Variants in AKNA observed in about 807,000 individuals in gnomAD.
The protein encoded by AKNA is AT-hook transcription factor, also known as microtubule organization protein AKNA.
A neutral mutation model predicts 138.8 loss-of-function variants in AKNA; 67 were observed. The observed-to-expected ratio is 0.48, with a 90% CI of 0.40 to 0.59. The LOEUF is 0.59. Among genes scored for constraint, AKNA ranks in the 20% least tolerant of loss-of-function variants. The pLI is 0.00. For synonymous variants in AKNA, 737 were observed against 754.4 expected (o/e 0.98, Z 0.38); for missense variants, 1,813 against 1,880.4 (o/e 0.96, Z 0.66).
chr9:114,387,520 T>C (rs1025779101), intron 1 of AKNA, among the ~76,000 whole-genome samples: 2 of 152,182 alleles, frequency 1.3e-5, no homozygotes, highest in African/African-American at 4.8e-5. Context: ...CATGCCTGCA[T>C]CGTCTCTGAG....
At chr9:114,348,962 T>G (rs1830907769) in intron 15 of AKNA, 1 of 456,136 alleles carries the variant, frequency 2.2e-6, no homozygotes, top group Non-Finnish European at 4.4e-6. Context: ...GATGACTGTG[T>G]CAGAAGGAGT....
At chr9:114,358,905 C>G (rs929329162) in intron 11 of AKNA, among the ~76,000 whole-genome samples, 22 of 152,094 alleles carry the variant, frequency 1.4e-4, no homozygotes, top group Middle Eastern at 6.8e-3. Context: ...AGCACACCAA[C>G]ATGGCACATG....
downstream of AKNA, among the ~76,000 whole-genome samples, chr9:114,331,336 A>G (rs1412330610): frequency 6.6e-6 from 1 of 152,028 alleles, no homozygotes; most frequent in Non-Finnish European, 1.5e-5. Context: ...AAACGGGGAG[A>G]AAGGCCCTGA....
chr9:114,389,995 T>C (rs936938461), upstream of AKNA, among the ~76,000 whole-genome samples: 2 of 152,160 alleles, frequency 1.3e-5, no homozygotes, highest in African/African-American at 4.8e-5. Context: ...CTATCAGCTC[T>C]GGAGGCCATG....
chr9:114,358,063 G>A lies in AKNA; in HGVS notation c.2597C>T (p.Pro866Leu), dbSNP rs1831636181. The change falls in exon 12 of 22, where the codon CCA becomes CTA. Residue 866 changes from proline to leucine, a missense_variant. Pro to Leu is a moderately conservative substitution (Grantham distance 98). Transcript: ENST00000374088. The part of the protein sequence containing the change: ...SGLGKAEAAP[P>L]GPGVPPHPPG... ...AGGGTGGGGTGGCACGCCAGGGCCTGGAGGGGCTGCCTCAGCCTTGCCCAG... is the reference window on the plus strand; with the variant it reads ...AGGGTGGGGTGGCACGCCAGGGCCTAGAGGGGCTGCCTCAGCCTTGCCCAG... The A allele has an allele frequency of 6.2e-7, 1 of 1,613,566 alleles. No individual in the cohort carries two copies. The highest frequency in any genetic ancestry group is 8.5e-7 in the Non-Finnish European group (1 of 1,179,630).
chr9:114,365,663 G>A (rs984580770), intron 6 of AKNA, among the ~76,000 whole-genome samples: 4 of 151,890 alleles, frequency 2.6e-5, no homozygotes, highest in African/African-American at 7.3e-5. Context: ...AAAAGAAACA[G>A]GTAAAATTAA....
chr9:114,394,078 C>T (rs757850462), intron 1 of AKNA, among the ~76,000 whole-genome samples: 4 of 151,860 alleles, frequency 2.6e-5, no homozygotes, highest in Non-Finnish European at 2.9e-5. Flanking sequence ...GAGACTGAGG[C>T]AGGAGAACTG....
upstream of AKNA, chr9:114,388,215 C>T (rs755501994): frequency 4.3e-5 from 9 of 207,290 alleles, no homozygotes; most frequent in Admixed American, 1.0e-4. Context: ...AAACTCCTGA[C>T]GTCCTGGGCT....
At chr9:114,387,398 G>C (rs1481545229) in intron 1 of AKNA, among the ~76,000 whole-genome samples, 1 of 152,146 alleles carries the variant, frequency 6.6e-6, no homozygotes, top group African/African-American at 2.4e-5. Context: ...GGGTCTGCTG[G>C]TCCTCGGACT....
chr9:114,385,887 G>C (rs576988623), intron 1 of AKNA, among the ~76,000 whole-genome samples: 1 of 152,340 alleles, frequency 6.6e-6, no homozygotes, highest in South Asian at 2.1e-4. Flanking sequence ...TGGGCATCAG[G>C]AGACAGGTGC....
In AKNA at chr9:114,387,922, T is replaced by A. The variant is rs900084632; in HGVS notation, c.-176A>T. 2 of 454,504 alleles carry A rather than the reference T, an allele frequency of 4.4e-6. No individual in the cohort carries two copies. The highest frequency in any genetic ancestry group is 4.0e-5 in the African/African-American group (2 of 50,044). The allele number at this position is 454,504 out of a possible 1,614,324, so 28.2% of individuals were successfully genotyped here. A position where few individuals can be genotyped will look rare whatever the true frequency, so the allele number is the denominator to read the frequency against. On this transcript the variant is annotated 5_prime_UTR_variant, in exon 1 of 22. Transcript: ENST00000374088. Reference sequence around the variant, plus strand: ...TCAGGGGACCTGCCTGTGAATTCTTTGTTCCAAACCCAGGGAGCCCCCTGT... The same window carrying A: ...TCAGGGGACCTGCCTGTGAATTCTTAGTTCCAAACCCAGGGAGCCCCCTGT...
intron 2 of AKNA, 86 bp downstream of exon 2, chr9:114,380,972 ACT>A (rs1214755231): frequency 4.0e-5 from 55 of 1,361,428 alleles, no homozygotes; most frequent in Non-Finnish European, 5.0e-5. Flanking sequence ...ATGAAGCAAG[ACT>A]CTGTCTCAAA....
At chr9:114,338,672 G>A (rs1029045893) in intron 21 of AKNA, among the ~76,000 whole-genome samples, 1 of 152,208 alleles carries the variant, frequency 6.6e-6, no homozygotes, top group African/African-American at 2.4e-5. Flanking sequence ...ATTCTGCTGG[G>A]CTACTCATGG....
chr9:114,398,056 G>A (rs1264417390), upstream of AKNA, among the ~76,000 whole-genome samples: 1 of 152,104 alleles, frequency 6.6e-6, no homozygotes, highest in Non-Finnish European at 1.5e-5. This position sits in a 1 kb window ranked among gnomAD's most constrained non-coding sequence, Gnocchi z 4.2. Context: ...CCCCGCCAAG[G>A]CCCACCCCCG....
Position 114,359,313 on chromosome 9 carries a change from C to A in AKNA, c.2492+281G>T, listed in dbSNP as rs933495193. 13 of 544,432 alleles carry A rather than the reference C, an allele frequency of 2.4e-5. No homozygotes were observed. The South Asian group carries it at 2.6e-4, about 11-fold the overall frequency. 33.7% of individuals were successfully genotyped at this position (544,432 alleles called of 1,614,324 possible). A position where few individuals can be genotyped will look rare whatever the true frequency, so the allele number is the denominator to read the frequency against. On this transcript the variant is annotated intron_variant, in intron 11 of 21. Transcript: ENST00000374088. The stretch of plus-strand genomic sequence containing the variant: ...TGAACTCCTGGACTCAAGTGATCCA[C>A]CTGCCTTGGCCTCCCTCAATGCTGG...
At chr9:114,389,136 T>C (rs182781676), upstream of AKNA, among the ~76,000 whole-genome samples, 2 of 152,170 alleles carry the variant, frequency 1.3e-5, no homozygotes, top group Non-Finnish European at 2.9e-5. Flanking sequence ...GGGCAGAGTG[T>C]TCTGGGAGGG....
chr9:114,394,175 T>TAA (rs35340604), intron 1 of AKNA, among the ~76,000 whole-genome samples: 40 of 147,268 alleles, frequency 2.7e-4, no homozygotes, highest in South Asian at 4.3e-4. Context: ...CTGTCTCAAT[T>TAA]AAAAAAAAAA....
intron 14 of AKNA, among the ~76,000 whole-genome samples, chr9:114,354,515 C>A (rs1485305178): frequency 6.6e-6 from 1 of 152,038 alleles, no homozygotes; most frequent in African/African-American, 2.4e-5. Context: ...AGATCGAGAC[C>A]ATCTTGGCTA....
In AKNA at chr9:114,346,864, T is replaced by A; in HGVS notation, c.3399-80A>T. ...AAGGTTATTTGTGAGAAGTTCAACCTGGAGAAATGCTTCTAACACGATGGA... is the reference window on the plus strand; with the variant it reads ...AAGGTTATTTGTGAGAAGTTCAACCAGGAGAAATGCTTCTAACACGATGGA... On this transcript the variant is annotated intron_variant, in intron 16 of 21. Transcript: ENST00000374088. 4 of 1,173,340 alleles carry A rather than the reference T, an allele frequency of 3.4e-6. No homozygotes were observed. In the South Asian group the frequency reaches 5.3e-5, roughly 16 times the overall value. The allele number at this position is 1,173,340 out of a possible 1,614,324, so 72.7% of individuals were successfully genotyped here. A position where few individuals can be genotyped will look rare whatever the true frequency, so the allele number is the denominator to read the frequency against.
Sources: allele counts gnomAD v4.1 joint callset (sites outside exome capture counted in the v4.1 genomes callset), GRCh38; gene constraint gnomAD v4.1.1; non-coding constraint Gnocchi (gnomAD v3.1); transcripts MANE v1.5; gene names NCBI Gene and HGNC (gene_info 2026-07-23, HGNC 2026-07-21).